Variants in NARS1 observed in about 807,000 individuals in gnomAD.
The protein encoded by NARS1 is asparaginyl-tRNA synthetase 1.
A neutral mutation model predicts 79.2 loss-of-function variants in NARS1; 65 were observed. That is an observed-to-expected ratio of 0.82 (90% confidence interval 0.67 to 1.01). The LOEUF is 1.01. Among genes scored for constraint, NARS1 ranks in the 50% least tolerant of loss-of-function variants. NARS1 has a pLI of 0.00. For missense variants in NARS1, 649 were observed against 673.8 expected (o/e 0.96, Z 0.41); for synonymous variants, 229 against 238.8 (o/e 0.96, Z 0.38).
At chr18:57,617,680 G>C (rs1908110258) in intron 2 of NARS1, among the ~76,000 whole-genome samples, 1 of 151,804 alleles carries the variant, frequency 6.6e-6, no homozygotes, top group Non-Finnish European at 1.5e-5. Flanking sequence ...ACTTTGGGAG[G>C]CCGAGGTGGG....
At chr18:57,618,733 A>G (rs1227551112) in intron 2 of NARS1, among the ~76,000 whole-genome samples, 1 of 151,992 alleles carries the variant, frequency 6.6e-6, no homozygotes, top group Non-Finnish European at 1.5e-5. Context: ...GAGATCTCGT[A>G]TCTACAAATA....
At chr18:57,618,186 G>A (rs576253226) in intron 2 of NARS1, among the ~76,000 whole-genome samples, 60 of 150,996 alleles carry the variant, frequency 4.0e-4, no homozygotes, top group African/African-American at 1.4e-3. Flanking sequence ...TACTCAGGAC[G>A]CTGAGGCAGG....
At position 57,620,481 on chromosome 18, in the gene NARS1, T is replaced by C. The variant is rs1908252534; in HGVS notation, c.93+88A>G. 33 of 867,742 alleles carry C rather than the reference T, an allele frequency of 3.8e-5. No homozygotes were observed. The South Asian group carries it at 4.9e-4, about 13-fold the overall frequency. 53.8% of individuals were successfully genotyped at this position (867,742 alleles called of 1,614,324 possible). ...AAAATTCTCTTTGGAACCTAGTGTT[T>C]GAAATTAAGTTCTTGGCAAGTCACA... On this transcript the variant is annotated intron_variant, in intron 2 of 13. Coordinates refer to ENST00000256854, the MANE Select transcript of NARS1 (RefSeq NM_004539.4).
rs939439127 is a variant in NARS1 at position 57,609,313 on chromosome 18, A to C, written c.579+44T>G. Reference sequence around the variant, plus strand: ...CAAAGACACTGGAAAACAAACCAATAAATAAACTATTCATTCACCCAGTGC... The same window carrying C: ...CAAAGACACTGGAAAACAAACCAATCAATAAACTATTCATTCACCCAGTGC... On this transcript the variant is annotated intron_variant, in intron 7 of 13. Transcript: ENST00000256854. The C allele has an allele frequency of 2.1e-6, 3 of 1,460,254 alleles. No homozygotes were observed. In the Admixed American group the frequency reaches 5.1e-5, roughly 25 times the overall value. The allele number at this position is 1,460,254 out of a possible 1,614,324, so 90.5% of individuals were successfully genotyped here.
intron 1 of NARS1, 39 bp downstream of exon 1, chr18:57,621,669 A>C: frequency 6.6e-7 from 1 of 1,523,496 alleles, no homozygotes; most frequent in Non-Finnish European, 9.0e-7. Context: ...TTCCTGCCCC[A>C]GGCAGGGAAC....
chr18:57,604,174 C>T (rs2122422041), intron 11 of NARS1, among the ~76,000 whole-genome samples: 1 of 152,362 alleles, frequency 6.6e-6, no homozygotes, highest in South Asian at 2.1e-4. Context: ...GTTCTTTCCA[C>T]TCAACTACAC....
At chr18:57,610,767 A>C (rs570419539) in intron 6 of NARS1, among the ~76,000 whole-genome samples, 83 of 152,318 alleles carry the variant, frequency 5.4e-4, no homozygotes, top group Non-Finnish European at 1.1e-3. Flanking sequence ...GAGAGAATGC[A>C]AAGAGAGCAG....
intron 4 of NARS1, among the ~76,000 whole-genome samples, chr18:57,614,811 CTG>C (rs2051634310): frequency 6.6e-6 from 1 of 152,186 alleles, no homozygotes; most frequent in Non-Finnish European, 1.5e-5. Context: ...ATTTACTTAA[CTG>C]TGTAATAAAA....
intron 5 of NARS1, among the ~76,000 whole-genome samples, chr18:57,612,854 A>C (rs1325460220): frequency 6.6e-6 from 1 of 152,160 alleles, no homozygotes; most frequent in Non-Finnish European, 1.5e-5. Flanking sequence ...GTCAGAACCA[A>C]GGGAGAATGC....
chr18:57,619,134 G>A (rs946047348), intron 2 of NARS1, among the ~76,000 whole-genome samples: 7 of 151,888 alleles, frequency 4.6e-5, no homozygotes, highest in Admixed American at 1.3e-4. Context: ...TGTTGTTGTC[G>A]TCCAGGCTGC....
At chr18:57,615,197 G>GAAATAAA (rs2051638347) in intron 4 of NARS1, among the ~76,000 whole-genome samples, 1 of 145,092 alleles carries the variant, frequency 6.9e-6, no homozygotes, top group Non-Finnish European at 1.5e-5. Flanking sequence ...TTAAAATTAA[G>GAAATAAA]AAATAAAAAA....
At chr18:57,613,743 CTAA>C in intron 4 of NARS1, 63 bp from the exon 5 acceptor site, 2 of 1,355,568 alleles carry the variant, frequency 1.5e-6, no homozygotes, top group Non-Finnish European at 2.1e-6. Flanking sequence ...AACTTTTTCA[CTAA>C]TATTAGGCAG....
intron 2 of NARS1, among the ~76,000 whole-genome samples, chr18:57,616,948 C>CAAAAAAAA (rs59363506): frequency 4.1e-5 from 3 of 72,806 alleles, no homozygotes; most frequent in African/African-American, 6.2e-5. Context: ...GACTCTGTCT[C>CAAAAAAAA]AAAAAAAAAA....
Position 57,621,829 on chromosome 18 carries a change from G to T in NARS1, c.-112C>A. 1 of 1,578,026 alleles carries T rather than the reference G, an allele frequency of 6.3e-7. No homozygotes were observed. Among genetic ancestry groups the T allele is most frequent in the Non-Finnish European group, 8.6e-7 (1 of 1,165,778 alleles). On this transcript the variant is annotated 5_prime_UTR_variant, in exon 1 of 14. Transcript: ENST00000256854. ...CGATTCCGGCGTTGCATCAGAGAGC[G>T]TAGATCTGAGGGCGCCTGCGAGAAT...
intron 2 of NARS1, among the ~76,000 whole-genome samples, chr18:57,619,162 A>T (rs1476285413): frequency 6.6e-6 from 1 of 151,696 alleles, no homozygotes; most frequent in Non-Finnish European, 1.5e-5. Context: ...TGATGCAATC[A>T]CGGCTCACTG....
chr18:57,603,034 A>T, intron 11 of NARS1, 91 bp from the exon 12 acceptor site: 1 of 1,300,128 alleles, frequency 7.7e-7, no homozygotes. Flanking sequence ...CCTTCCTCCT[A>T]TCAATTCAAC....
intron 6 of NARS1, among the ~76,000 whole-genome samples, chr18:57,610,507 T>G (rs938417230): frequency 1.3e-5 from 2 of 152,242 alleles, no homozygotes; most frequent in African/African-American, 2.4e-5. Flanking sequence ...ACACCTTACA[T>G]GCCTCTTGAC....
In NARS1 at chr18:57,615,816, C is replaced by T; in HGVS notation, c.252+1G>A. On this transcript the variant is annotated splice_donor_variant, in intron 3 of 13. Transcript: ENST00000256854. LOFTEE classifies it high-confidence loss of function. ...TTCACGATGGCAAGGTCAGGACTCA[C>T]CTCTTTCTTTTCCCGGGATTCACTC... 1 of 1,612,040 alleles carries T rather than the reference C, an allele frequency of 6.2e-7. No individual in the cohort carries two copies. The highest frequency in any genetic ancestry group is 1.3e-5 in the African/African-American group (1 of 74,848).
intron 5 of NARS1, 34 bp downstream of exon 5, chr18:57,613,568 A>C: frequency 6.4e-7 from 1 of 1,556,722 alleles, no homozygotes; most frequent in Non-Finnish European, 8.8e-7. Flanking sequence ...GGGATATTTA[A>C]ACATTAAAAA....
Sources: gnomAD v4.1 joint callset for allele counts (sites outside exome capture counted in the v4.1 genomes callset) on GRCh38, gnomAD v4.1.1 for gene constraint, MANE v1.5 for transcripts, NCBI Gene and HGNC (gene_info 2026-07-23, HGNC 2026-07-21) for gene names.